HTR2A: variants seen among roughly 807,000 people sequenced by gnomAD.
HTR2A encodes the protein 5-HT2 receptor.
HTR2A carries 14 observed loss-of-function variants against 31.0 expected under a neutral mutation model. That is an observed-to-expected ratio of 0.45 (90% CI 0.30 to 0.71). HTR2A has a LOEUF of 0.71. Ranked by LOEUF, HTR2A falls within the 30% of genes least tolerant of loss-of-function variation. The probability of loss-of-function intolerance (pLI) is 0.09; values close to 1 mark genes in which losing one functional copy is unlikely to be tolerated. For synonymous variants in HTR2A, 209 were observed against 225.2 expected (o/e 0.93, Z 0.64); for missense variants, 442 against 573.3 (o/e 0.77, Z 2.34).
chr13:46,847,631 G>T (rs905382481), intron 3 of HTR2A, among the ~76,000 whole-genome samples: 5 of 152,136 alleles, frequency 3.3e-5, no homozygotes, highest in African/African-American at 1.2e-4. Context: ...AATTTCTTTT[G>T]GGTTCTTCTT....
rs574628777 is a variant in HTR2A, at chr13:46,834,888, C to T, written c.1365G>A (p.Glu455=). 1.7e-5 allele frequency: 28 copies of T among 1,613,996 alleles called. No homozygotes were observed. The Admixed American group carries it at 4.7e-4, about 27-fold the overall frequency. ...CTCCGTCGCTATTGTCTTTAGAAGCCTCTTCAGAATGCTGCTTTCCTAGAG... is the reference window on the plus strand; with the variant it reads ...CTCCGTCGCTATTGTCTTTAGAAGCTTCTTCAGAATGCTGCTTTCCTAGAG... ...MVALGKQHSE[E]ASKDNSDGVN... Residue 455 remains glutamate, a synonymous_variant, in exon 4 of 4, where the codon GAG becomes GAA. Transcript: ENST00000542664.
intron 3 of HTR2A, among the ~76,000 whole-genome samples, chr13:46,840,461 C>T (rs1159955370): frequency 6.6e-6 from 1 of 152,170 alleles, no homozygotes; most frequent in East Asian, 1.9e-4. Context: ...AAGGTATTAT[C>T]ACACATATTT....
At chr13:46,891,256 T>G (rs1050392669) in intron 3 of HTR2A, among the ~76,000 whole-genome samples, 1 of 152,228 alleles carries the variant, frequency 6.6e-6, no homozygotes, top group Admixed American at 6.5e-5. Context: ...GTGACACAAG[T>G]GTGATTTGTT....
At chr13:46,850,358 T>C (rs1174516802) in intron 3 of HTR2A, among the ~76,000 whole-genome samples, 1 of 152,232 alleles carries the variant, frequency 6.6e-6, no homozygotes, top group Admixed American at 6.5e-5. Flanking sequence ...CTCCTCACAG[T>C]CACCCTATGA....
chr13:46,846,729 G>A (rs1031253141), intron 3 of HTR2A, among the ~76,000 whole-genome samples: 13 of 152,194 alleles, frequency 8.5e-5, no homozygotes, highest in African/African-American at 3.1e-4. Flanking sequence ...ACAAAAGAGA[G>A]ACTTCCACTG....
At position 46,896,232 on chromosome 13, in the gene HTR2A, G is replaced by T; in HGVS notation, c.-326C>A. ...TTTTTGAGCGCTCGGGAAGATAAAT[G>T]TCCTGGACAAAGAAGAAAAGTTTTA... On this transcript the variant is annotated splice_region_variant and 5_prime_UTR_variant, in exon 2 of 4. Transcript: ENST00000542664. 1 of 1,115,606 alleles carries T rather than the reference G, an allele frequency of 9.0e-7. No individual in the cohort carries two copies. The highest frequency in any genetic ancestry group is 1.1e-6 in the Non-Finnish European group (1 of 914,930). 69.1% of individuals were successfully genotyped at this position (1,115,606 alleles called of 1,614,324 possible). A position where few individuals can be genotyped will look rare whatever the true frequency, so the allele number is the denominator to read the frequency against.
chr13:46,866,564 C>T (rs528532816), intron 3 of HTR2A, among the ~76,000 whole-genome samples: 1 of 152,326 alleles, frequency 6.6e-6, no homozygotes, highest in African/African-American at 2.4e-5. Flanking sequence ...CTCTTTGAAA[C>T]TTACTTTTCT....
At chr13:46,879,440 C>T (rs534871715) in intron 3 of HTR2A, among the ~76,000 whole-genome samples, 38 of 152,028 alleles carry the variant, frequency 2.5e-4, no homozygotes, top group African/African-American at 7.2e-4. Context: ...TGTTGCTTTG[C>T]GACATGAATG....
intron 3 of HTR2A, among the ~76,000 whole-genome samples, chr13:46,839,264 T>C (rs1012280994): frequency 1.3e-5 from 2 of 152,160 alleles, no homozygotes; most frequent in African/African-American, 2.4e-5. Context: ...ACCATTCTTT[T>C]TCCATGCCTC....
At chr13:46,892,787 A>G (rs1951064713) in intron 2 of HTR2A, among the ~76,000 whole-genome samples, 197 bp from the exon 3 acceptor site, 1 of 152,236 alleles carries the variant, frequency 6.6e-6, no homozygotes, top group Admixed American at 6.5e-5. Flanking sequence ...TGATGAATGC[A>G]GGGTTTGAAA....
chr13:46,837,210 T>C (rs1370449330), intron 3 of HTR2A, among the ~76,000 whole-genome samples: 2 of 152,126 alleles, frequency 1.3e-5, no homozygotes, highest in East Asian at 3.8e-4. Flanking sequence ...CAACTGGCCA[T>C]GTTGTGCAGT....
chr13:46,846,075 A>C (rs1593427732), intron 3 of HTR2A, among the ~76,000 whole-genome samples: 1 of 152,172 alleles, frequency 6.6e-6, no homozygotes, highest in African/African-American at 2.4e-5. Context: ...GAACCTGCAG[A>C]ATATGTTTGG....
At chr13:46,853,209 T>A (rs633737) in intron 3 of HTR2A, among the ~76,000 whole-genome samples, 42,288 of 151,964 alleles carry the variant, frequency 0.28, 6,707 homozygotes, top group East Asian at 0.53. Context: ...CCTGTGCGCC[T>A]CCTGGTGATC....
At chr13:46,891,740 T>G (rs1177000416) in intron 3 of HTR2A, among the ~76,000 whole-genome samples, 1 of 152,196 alleles carries the variant, frequency 6.6e-6, no homozygotes, top group Non-Finnish European at 1.5e-5. Context: ...CCCCCTTAGC[T>G]TCCATTACCT....
intron 3 of HTR2A, 104 bp downstream of exon 3, chr13:46,892,286 G>A (rs1454351840): frequency 6.5e-6 from 7 of 1,082,344 alleles, no homozygotes; most frequent in Non-Finnish European, 9.9e-6. Flanking sequence ...ACCCAAAACA[G>A]TAGATTGAGG....
At chr13:46,877,131 CT>C (rs1346271780) in intron 3 of HTR2A, among the ~76,000 whole-genome samples, 5 of 152,134 alleles carry the variant, frequency 3.3e-5, no homozygotes, top group African/African-American at 1.2e-4. Context: ...CATGAGGCCT[CT>C]AGAAGCTATA....
At chr13:46,855,737 T>A (rs183068109) in intron 3 of HTR2A, among the ~76,000 whole-genome samples, 4 of 152,170 alleles carry the variant, frequency 2.6e-5, no homozygotes, top group Admixed American at 2.0e-4. Flanking sequence ...AAATTCAATC[T>A]CAAAATTAAT....
At chr13:46,897,083 C>T, upstream of HTR2A, 8 of 466,266 alleles carry the variant, frequency 1.7e-5, no homozygotes, top group South Asian at 2.3e-4. Context: ...TCAGACCTCC[C>T]TCTATGTGTA....
intron 3 of HTR2A, among the ~76,000 whole-genome samples, chr13:46,862,140 T>G (rs1950783584): frequency 6.6e-6 from 1 of 152,240 alleles, no homozygotes. Flanking sequence ...GTAAGTTCCT[T>G]GCCAGATCTA....
Sources: gnomAD v4.1 joint callset for allele counts (sites outside exome capture counted in the v4.1 genomes callset) on GRCh38, gnomAD v4.1.1 for gene constraint, MANE v1.5 for transcripts, NCBI Gene and HGNC (gene_info 2026-07-23, HGNC 2026-07-21) for gene names.